The following PAPSS2 variants were observed in gnomAD, a reference collection of about 807,000 sequenced individuals.
PAPSS2 encodes the protein 3'-phosphoadenosine 5'-phosphosulfate synthase 2, also known as bifunctional 3'-phosphoadenosine 5'-phosphosulfate synthase 2.
A neutral mutation model predicts 66.5 loss-of-function variants in PAPSS2; 61 were observed. That is an observed-to-expected ratio of 0.92 (90% CI 0.75 to 1.14). PAPSS2 has a LOEUF of 1.14. PAPSS2 is among the 50% of genes most tolerant of loss of function. The pLI, the probability that PAPSS2 is intolerant of heterozygous loss-of-function variation, is 0.00. For synonymous variants in PAPSS2, 289 were observed against 287.5 expected (o/e 1.01, Z -0.05); for missense variants, 708 against 789.6 (o/e 0.90, Z 1.24).
At chr10:87,691,348 G>T (rs941738301) in intron 1 of PAPSS2, among the ~76,000 whole-genome samples, 11 of 152,082 alleles carry the variant, frequency 7.2e-5, no homozygotes, top group African/African-American at 2.4e-4. Context: ...AAAGATAAAC[G>T]TGAGCAAAGC....
intron 9 of PAPSS2, among the ~76,000 whole-genome samples, chr10:87,730,220 G>A (rs1326318041): frequency 6.6e-6 from 1 of 152,188 alleles, no homozygotes; most frequent in Middle Eastern, 3.4e-3. Flanking sequence ...ATGAGAAAAG[G>A]CATCCAGATT....
At chr10:87,743,849 A>C (rs1276595278) in intron 11 of PAPSS2, among the ~76,000 whole-genome samples, 1 of 152,208 alleles carries the variant, frequency 6.6e-6, no homozygotes, top group Non-Finnish European at 1.5e-5. Context: ...TGTCACCTGT[A>C]ATCCCAGCAC....
chr10:87,713,949 C>G (rs1225530163), intron 3 of PAPSS2, 95 bp from the exon 4 acceptor site: 1 of 1,318,818 alleles, frequency 7.6e-7, no homozygotes, highest in Non-Finnish European at 1.1e-6. Flanking sequence ...CCAGTGTTAT[C>G]TCAAGGCTAT....
intron 1 of PAPSS2, among the ~76,000 whole-genome samples, chr10:87,707,564 C>CTTTTTTTTTT (rs747152482): frequency 1.7e-3 from 159 of 93,962 alleles, no homozygotes; most frequent in Non-Finnish European, 2.2e-3. Flanking sequence ...TCTTTTTTTT[C>CTTTTTTTTTT]TTTTTTTTTT....
intron 7 of PAPSS2, among the ~76,000 whole-genome samples, chr10:87,717,719 T>G (rs941108866): frequency 1.3e-5 from 2 of 152,134 alleles, no homozygotes; most frequent in South Asian, 4.1e-4. Flanking sequence ...TGTACCACCA[T>G]GCCTGGCAGA....
rs142520453 is a variant in PAPSS2 at position 87,671,723 on chromosome 10, G to A, written c.27+11715G>A. Among the ~76,000 whole-genome samples the A allele has an allele frequency of 8.0e-3, 1,213 of 152,236 alleles. 10 individuals carry two copies. The highest frequency in any genetic ancestry group is 0.013 in the Non-Finnish European group (904 of 68,008). On this transcript the variant is annotated intron_variant, in intron 1 of 12. Coordinates refer to ENST00000456849, the MANE Select transcript of PAPSS2 (RefSeq NM_001015880.2). ...GAATGTTAATATTTCGTGGTTCAGG[G>A]AGATTGTTTTATATACACAGCCTAA... is the stretch of plus-strand genomic sequence containing the variant.
Position 87,668,490 on chromosome 10 carries a change from C to G in PAPSS2, c.27+8482C>G, listed in dbSNP as rs11202498. On this transcript the variant is annotated intron_variant, in intron 1 of 12. Coordinates refer to ENST00000456849, the MANE Select transcript of PAPSS2 (RefSeq NM_001015880.2). The stretch of plus-strand genomic sequence containing the variant: ...CAGCATTTGCCTTTTCTAATTGAAG[C>G]ACTCCACCCGCACCTTTATATTATC... 1.6e-3 allele frequency among the ~76,000 whole-genome samples: 249 copies of G among 152,278 alleles called. 1 individual carries two copies. The highest frequency in any genetic ancestry group is 5.6e-3 in the African/African-American group (234 of 41,564).
At chr10:87,689,683 G>GAAA (rs1231250142) in intron 1 of PAPSS2, among the ~76,000 whole-genome samples, 1 of 96,896 alleles carries the variant, frequency 1.0e-5, no homozygotes, top group Non-Finnish European at 2.0e-5. Flanking sequence ...AAAAAAAAAA[G>GAAA]AAAAAAAAAA....
intron 8 of PAPSS2, 136 bp downstream of exon 8, chr10:87,721,906 G>C: frequency 1.7e-6 from 1 of 603,278 alleles, no homozygotes; most frequent in Non-Finnish European, 2.9e-6. Flanking sequence ...GATCCAACCA[G>C]CTATAGTAGA....
At chr10:87,716,507 A>T (rs1853534439) in intron 7 of PAPSS2, among the ~76,000 whole-genome samples, 2 of 152,134 alleles carry the variant, frequency 1.3e-5, no homozygotes, top group Non-Finnish European at 2.9e-5. Flanking sequence ...TTATCAAATA[A>T]ACTTATCTAT....
intron 1 of PAPSS2, among the ~76,000 whole-genome samples, chr10:87,706,140 G>GTGTGTGTA (rs1304990011): frequency 6.9e-4 from 78 of 113,220 alleles, no homozygotes; most frequent in African/African-American, 2.7e-3. Flanking sequence ...GTGTGTGTGT[G>GTGTGTGTA]TATATATATA....
At chr10:87,665,501 G>A (rs977735833) in intron 1 of PAPSS2, among the ~76,000 whole-genome samples, 9 of 152,138 alleles carry the variant, frequency 5.9e-5, no homozygotes, top group South Asian at 2.1e-4. Context: ...GTGAGCCACC[G>A]TGCCCGGCCT....
intron 1 of PAPSS2, among the ~76,000 whole-genome samples, chr10:87,706,108 ATGTGTGTGTGTGTGTGTGTGTGTGTG>A (rs150079044): frequency 2.7e-4 from 14 of 51,944 alleles, no homozygotes; most frequent in African/African-American, 7.0e-4. Context: ...ATATATATAT[ATGTGTGTGTGTGTGTGTGTGTGTGTG>A]TGTGTGTATA....
intron 1 of PAPSS2, among the ~76,000 whole-genome samples, chr10:87,664,572 C>G (rs1055661808): frequency 3.9e-5 from 6 of 152,110 alleles, no homozygotes; most frequent in African/African-American, 1.4e-4. Context: ...AGATAGTTAT[C>G]TTTGTCTTTT....
intron 1 of PAPSS2, chr10:87,660,898 G>T (rs1335364620): frequency 2.2e-6 from 1 of 448,038 alleles, no homozygotes; most frequent in African/African-American, 2.0e-5. Context: ...CTGGGGCCAC[G>T]TCAGATGTGG....
chr10:87,724,234 TTTAGAAACATTTCAAAA>T (rs530473620), intron 8 of PAPSS2, among the ~76,000 whole-genome samples: 174 of 151,970 alleles, frequency 1.1e-3, no homozygotes, highest in Non-Finnish European at 2.1e-3. Context: ...AACTATCTTA[TTTAGAAACATTTCAAAA>T]TAGTCTTACT....
intron 1 of PAPSS2, among the ~76,000 whole-genome samples, chr10:87,687,511 G>T (rs905671895): frequency 3.3e-5 from 5 of 152,190 alleles, no homozygotes; most frequent in Non-Finnish European, 7.3e-5. Flanking sequence ...TCACTCATAT[G>T]TGGATTCTAA....
chr10:87,740,855 CT>C (rs111420290), intron 9 of PAPSS2, among the ~76,000 whole-genome samples: 3,149 of 152,264 alleles, frequency 0.021, 104 homozygotes, highest in African/African-American at 0.07. Flanking sequence ...CAATACCATA[CT>C]TCCCTACATT....
intron 9 of PAPSS2, among the ~76,000 whole-genome samples, chr10:87,738,652 A>C (rs1351881925): frequency 1.3e-5 from 2 of 152,018 alleles, no homozygotes; most frequent in Non-Finnish European, 2.9e-5. Flanking sequence ...TAAGCAATCC[A>C]CCCAACTTGG....
Sources: allele counts gnomAD v4.1 joint callset (sites outside exome capture counted in the v4.1 genomes callset), GRCh38; gene constraint gnomAD v4.1.1; transcripts MANE v1.5; gene names NCBI Gene and HGNC (gene_info 2026-07-23, HGNC 2026-07-21).